The following PBRM1 variants were observed in gnomAD, a reference collection of about 807,000 sequenced individuals.
PBRM1 encodes the protein polybromo 1.
Under a neutral mutation model 194.5 loss-of-function variants are expected in PBRM1, and 27 were observed. The observed-to-expected ratio is 0.14, with a 90% CI of 0.10 to 0.19. The LOEUF (loss-of-function observed/expected upper bound fraction) is 0.19. Among genes scored for constraint, PBRM1 ranks in the 10% least tolerant of loss-of-function variants. PBRM1 has a pLI of 1.00. For synonymous variants in PBRM1, 655 were observed against 693.2 expected (o/e 0.94, Z 0.87); for missense variants, 1,466 against 2,077.2 (o/e 0.71, Z 5.72).
chr3:52,578,188 C>G (rs921867207), intron 21 of PBRM1, among the ~76,000 whole-genome samples: 1 of 152,196 alleles, frequency 6.6e-6, no homozygotes, highest in Non-Finnish European at 1.5e-5. Context: ...CTGCTCTGAC[C>G]ATGGGACCCC....
rs749553128 is a variant in PBRM1, at chr3:52,662,296, A to G, written c.385-20T>C. ...ATCTGGCTGTATGTTAGCAAAGAGA[A>G]AAAAAAAAACACTTTAGTAATGTAT... On this transcript the variant is annotated intron_variant, in intron 3 of 29. Coordinates refer to ENST00000296302, the Ensembl canonical transcript of PBRM1. 7.0e-6 allele frequency: 11 copies of G among 1,560,588 alleles called. No individual in the cohort carries two copies. Among genetic ancestry groups the G allele is most frequent in the South Asian group, 1.2e-5 (1 of 83,646 alleles).
chr3:52,625,952 G>A (rs961413340), intron 13 of PBRM1, among the ~76,000 whole-genome samples: 3 of 152,050 alleles, frequency 2.0e-5, no homozygotes, highest in Non-Finnish European at 2.9e-5. Context: ...ATCTGGCCTG[G>A]GCTAATGCTT....
intron 13 of PBRM1, among the ~76,000 whole-genome samples, chr3:52,623,694 C>A (rs954173184): frequency 5.3e-5 from 8 of 152,206 alleles, no homozygotes; most frequent in African/African-American, 1.9e-4. Flanking sequence ...ACTGGATCCT[C>A]ACACCAATCC....
chr3:52,684,583 C>A (rs879855037), upstream of PBRM1, among the ~76,000 whole-genome samples: 6 of 152,136 alleles, frequency 3.9e-5, no homozygotes, highest in Admixed American at 2.6e-4. Flanking sequence ...GCCTTAGTTA[C>A]CTATTATTTT....
chr3:52,589,254 T>C (rs760241865), exon 18 of PBRM1: 8 of 1,515,646 alleles, frequency 5.3e-6, no homozygotes, highest in Non-Finnish European at 7.0e-6. Context: ...TCTTTTCAGC[T>C]TCTTAGGTAA....
chr3:52,568,713 T>C (rs1057068443), intron 22 of PBRM1, among the ~76,000 whole-genome samples: 3 of 152,232 alleles, frequency 2.0e-5, no homozygotes, highest in African/African-American at 7.2e-5. Flanking sequence ...AAATACTTCT[T>C]TCCCCACTTA....
chr3:52,563,328 G>C (rs768434537), exon 24 of PBRM1: 121 of 1,613,836 alleles, frequency 7.5e-5, no homozygotes, highest in South Asian at 5.3e-4. Context: ...TGGCCAGGGG[G>C]GTCTGAAGCT....
At chr3:52,564,302 T>C (rs1292443359) in intron 22 of PBRM1, 69 bp from the exon 25 acceptor site, 11 of 1,131,218 alleles carry the variant, frequency 9.7e-6, no homozygotes, top group Non-Finnish European at 1.4e-5. Flanking sequence ...GTTTTAACAT[T>C]TTATTATTTT....
chr3:52,545,492 T>C (rs151026536), downstream of PBRM1: 106 of 232,952 alleles, frequency 4.6e-4, no homozygotes, highest in African/African-American at 2.0e-3. Context: ...GAAATTAGAA[T>C]AAACCAAGTT....
At chr3:52,596,429 TCC>T (rs2093553426) in intron 17 of PBRM1, among the ~76,000 whole-genome samples, 1 of 77,406 alleles carries the variant, frequency 1.3e-5, no homozygotes, top group Admixed American at 2.1e-4. Flanking sequence ...AGAGTGAGAC[TCC>T]GTCTCAAAAA....
intron 22 of PBRM1, among the ~76,000 whole-genome samples, chr3:52,565,829 T>G (rs1237842833): frequency 1.3e-5 from 2 of 151,982 alleles, no homozygotes; most frequent in Admixed American, 1.3e-4. Flanking sequence ...GGCGGGTGGA[T>G]CATGAGGTCA....
chr3:52,661,426 G>A (rs926052278), intron 4 of PBRM1, among the ~76,000 whole-genome samples: 12 of 152,218 alleles, frequency 7.9e-5, no homozygotes, highest in African/African-American at 2.9e-4. Context: ...CTGCTTAGGA[G>A]CTATCATTCT....
intron 2 of PBRM1, among the ~76,000 whole-genome samples, chr3:52,669,963 T>C (rs1380685292): frequency 1.3e-5 from 2 of 152,180 alleles, no homozygotes; most frequent in East Asian, 3.8e-4. Flanking sequence ...GCAGAAAGAA[T>C]ACTGATGTTG....
downstream of PBRM1, chr3:52,547,200 A>C (rs1271332413): frequency 8.6e-6 from 2 of 232,986 alleles, no homozygotes; most frequent in African/African-American, 4.4e-5. Context: ...TATAGGCATA[A>C]ATTGTGAATT....
intron 22 of PBRM1, among the ~76,000 whole-genome samples, chr3:52,575,508 CTTTTT>C (rs1177139118): frequency 4.6e-5 from 4 of 87,158 alleles, no homozygotes; most frequent in South Asian, 3.9e-4. Flanking sequence ...AATCAATTGT[CTTTTT>C]TTTTTTTTTT....
chr3:52,584,403 A>T (rs953347676), intron 20 of PBRM1, among the ~76,000 whole-genome samples: 3 of 146,494 alleles, frequency 2.0e-5, no homozygotes, highest in African/African-American at 7.7e-5. Flanking sequence ...TCTGTTTCCA[A>T]CCTTTTCAGT....
At chr3:52,629,015 T>G (rs1208471505) in exon 12 of PBRM1, 9 of 1,608,574 alleles carry the variant, frequency 5.6e-6, no homozygotes, top group Non-Finnish European at 7.7e-6. Flanking sequence ...AGTTTCATAT[T>G]CTTGATTCTT....
At chr3:52,675,029 C>T (rs951453264) in intron 2 of PBRM1, among the ~76,000 whole-genome samples, 13 of 151,786 alleles carry the variant, frequency 8.6e-5, no homozygotes, top group African/African-American at 3.1e-4. Flanking sequence ...ATGCAAATAA[C>T]TAAAATCATA....
At chr3:52,587,198 T>C (rs900811247) in intron 19 of PBRM1, among the ~76,000 whole-genome samples, 155 bp downstream of exon 21, 9 of 152,246 alleles carry the variant, frequency 5.9e-5, no homozygotes, top group African/African-American at 4.8e-5. Context: ...TTCAGGTTAA[T>C]TTCTTCCCAA....
Sources: allele counts gnomAD v4.1 joint callset (sites outside exome capture counted in the v4.1 genomes callset), GRCh38; gene constraint gnomAD v4.1.1; transcripts MANE v1.5; gene names NCBI Gene and HGNC (gene_info 2026-07-23, HGNC 2026-07-21).